Variants in CARF observed in about 807,000 individuals in gnomAD.
CARF encodes calcium-responsive transcription factor.
CARF carries 57 observed loss-of-function variants against 82.0 expected under a neutral mutation model. The observed-to-expected ratio is 0.70, with a 90% CI of 0.56 to 0.87. The LOEUF is 0.87. Among genes scored for constraint, CARF ranks in the 40% least tolerant of loss-of-function variants. The pLI, the probability that CARF is intolerant of heterozygous loss-of-function variation, is 0.00. For missense variants in CARF, 771 were observed against 855.8 expected (o/e 0.90, Z 1.24); for synonymous variants, 268 against 290.1 (o/e 0.92, Z 0.77).
rs1467949813 is a variant in CARF at position 202,923,308 on chromosome 2, G to A, written c.-162-989G>A. ...AAAATTAATGTACACAATTAATTTT[G>A]TGCGGTAGCTCTCCTGTACACCAAC... is the stretch of plus-strand genomic sequence containing the variant. On this transcript the variant is annotated intron_variant, in intron 2 of 16. Coordinates refer to ENST00000438828, the MANE Select transcript of CARF (RefSeq NM_024744.17). Among the ~76,000 whole-genome samples the A allele has an allele frequency of 2.6e-5, 4 of 152,256 alleles. No individual in the cohort carries two copies. The East Asian group carries it at 7.7e-4, about 29-fold the overall frequency.
chr2:202,945,320 T>C (rs1194846571), intron 5 of CARF, among the ~76,000 whole-genome samples: 1 of 152,322 alleles, frequency 6.6e-6, no homozygotes, highest in South Asian at 2.1e-4. Context: ...GTTTTTGTTT[T>C]ATTTACTTTT....
At chr2:202,970,919 T>G (rs2059765651) in intron 11 of CARF, among the ~76,000 whole-genome samples, 1 of 152,004 alleles carries the variant, frequency 6.6e-6, no homozygotes, top group African/African-American at 2.4e-5. Flanking sequence ...TTAATTCTCT[T>G]GCTCACTTGG....
In CARF at chr2:202,986,905, T is replaced by TATATATACATATATATATAC. The variant is rs1559299503; in HGVS notation, c.*3284_*3285insTATACATATATATATACATA. On this transcript the variant is annotated 3_prime_UTR_variant, in exon 17 of 17. Transcript: ENST00000438828. ...ATATATATATATATATATATATATA[T>TATATATACATATATATATAC]ATAGCAACTTGATGTATAGTGTCCT... The TATATATACATATATATATAC allele has an allele frequency of 7.8e-6, 1 of 127,800 alleles. No individual in the cohort carries two copies. Among genetic ancestry groups the TATATATACATATATATATAC allele is most frequent in the African/African-American group, 2.8e-5 (1 of 36,020 alleles). 7.9% of individuals were successfully genotyped at this position (127,800 alleles called of 1,614,324 possible).
intron 2 of CARF, among the ~76,000 whole-genome samples, chr2:202,920,079 A>G (rs1440129031): frequency 1.3e-5 from 2 of 152,182 alleles, no homozygotes; most frequent in African/African-American, 4.8e-5. Context: ...GATTGTTGAT[A>G]ATTCTAGCTA....
rs2060399209 is a variant in CARF, at chr2:202,985,350, ATAG to A, written c.*1730_*1732del. 1 of 152,106 alleles carries A rather than the reference ATAG, an allele frequency of 6.6e-6. No homozygotes were observed. The highest frequency in any genetic ancestry group is 1.5e-5 in the Non-Finnish European group (1 of 67,996). The allele number at this position is 152,106 out of a possible 1,614,324, so 9.4% of individuals were successfully genotyped here. ...ATGTATCTAAATATAAAGTACTGTT[ATAG>A]TAGAGGTAGGTGGAATTCTAATATT... On this transcript the variant is annotated 3_prime_UTR_variant, in exon 17 of 17. Transcript: ENST00000438828.
In CARF at chr2:202,952,670, A is replaced by T. The variant is rs781246075; in HGVS notation, c.418A>T (p.Ser140Cys). 4.3e-6 allele frequency: 7 copies of T among 1,613,684 alleles called. No homozygotes were observed. Among genetic ancestry groups the T allele is most frequent in the Non-Finnish European group, 5.1e-6 (6 of 1,179,764 alleles). The stretch of plus-strand genomic sequence containing the variant: ...TCAGGGGCAACTTGTGGATGTGAAT[A>T]GTCCTCGGGGTGAGTAACAACGGGA... ...IPQGQLVDVN[S>C]PRDVPEEKPS... The change falls in exon 6 of 17, where the codon AGT becomes TGT. Residue 140 changes from serine to cysteine, a missense_variant. By Grantham distance (112) the Ser-to-Cys change is moderately radical (BLOSUM62 -1). Transcript: ENST00000438828.
intron 5 of CARF, among the ~76,000 whole-genome samples, chr2:202,948,020 T>C (rs936386561): frequency 1.3e-5 from 2 of 152,124 alleles, no homozygotes; most frequent in Non-Finnish European, 1.5e-5. Flanking sequence ...ATCTTGAGTT[T>C]ATTTTTGTAT....
At chr2:202,936,858 T>G (rs1018895446) in intron 3 of CARF, among the ~76,000 whole-genome samples, 2 of 152,240 alleles carry the variant, frequency 1.3e-5, no homozygotes, top group Non-Finnish European at 2.9e-5. Flanking sequence ...GTGCCATATC[T>G]AAGAAACCAT....
chr2:202,974,564 AG>A (rs1433968714), intron 13 of CARF, 68 bp downstream of exon 13: 80 of 1,428,872 alleles, frequency 5.6e-5, no homozygotes, highest in Non-Finnish European at 7.2e-5. Context: ...TAGTCTAATA[AG>A]AATGGCTAGT....
intron 3 of CARF, among the ~76,000 whole-genome samples, chr2:202,940,811 G>T (rs1177287968): frequency 1.3e-5 from 2 of 151,976 alleles, no homozygotes; most frequent in Non-Finnish European, 2.9e-5. Flanking sequence ...TGATCTTTTG[G>T]AGTTGGGGGG....
In CARF at chr2:202,985,846, A is replaced by G. The variant is rs1448167907; in HGVS notation, c.*2222A>G. The G allele has an allele frequency of 5.9e-5, 9 of 152,138 alleles. No individual in the cohort carries two copies. Among genetic ancestry groups the G allele is most frequent in the Non-Finnish European group, 1.5e-5 (1 of 67,996 alleles). The allele number at this position is 152,138 out of a possible 1,614,324, so 9.4% of individuals were successfully genotyped here. A position where few individuals can be genotyped will look rare whatever the true frequency, so the allele number is the denominator to read the frequency against. ...CCTTTCTTTTTTGATGTTGATTTGC[A>G]AAGGAGAAATGCTTGTTAATATACA... On this transcript the variant is annotated 3_prime_UTR_variant, in exon 17 of 17. Transcript: ENST00000438828.
intron 5 of CARF, among the ~76,000 whole-genome samples, chr2:202,943,978 CT>C (rs1227235733): frequency 2.0e-5 from 3 of 152,140 alleles, no homozygotes; most frequent in Non-Finnish European, 4.4e-5. Context: ...CAACATCTCA[CT>C]GACCTGCAAG....
chr2:202,925,012 CT>C, intron 3 of CARF: 1 of 400,914 alleles, frequency 2.5e-6, no homozygotes, highest in South Asian at 2.1e-5. Flanking sequence ...CAAGTGGATC[CT>C]TTTGCAGCAG....
At chr2:202,942,366 T>C (rs1200080619) in intron 4 of CARF, among the ~76,000 whole-genome samples, 2 of 149,788 alleles carry the variant, frequency 1.3e-5, no homozygotes, top group Non-Finnish European at 3.0e-5. Context: ...AGAGAGAGAC[T>C]CCGTCTCAAA....
chr2:202,934,909 C>A (rs1227332778), intron 3 of CARF, among the ~76,000 whole-genome samples: 2 of 151,644 alleles, frequency 1.3e-5, no homozygotes, highest in South Asian at 2.1e-4. Flanking sequence ...AACCCCATCT[C>A]TACCAAACAG....
chr2:202,982,694 A>G (rs72932560), intron 16 of CARF, among the ~76,000 whole-genome samples: 13,531 of 152,138 alleles, frequency 0.089, 738 homozygotes, highest in Non-Finnish European at 0.12. Flanking sequence ...CCTGTTTTCC[A>G]TGGAAAATCT....
chr2:202,971,763 T>A, intron 12 of CARF, 25 bp downstream of exon 12: 1 of 1,567,246 alleles, frequency 6.4e-7, no homozygotes, highest in Non-Finnish European at 8.8e-7. Context: ...CATTGTTCTT[T>A]TACATTTTTC....
At chr2:202,959,730 A>T (rs1463959249) in intron 8 of CARF, among the ~76,000 whole-genome samples, 2 of 151,710 alleles carry the variant, frequency 1.3e-5, no homozygotes, top group African/African-American at 4.8e-5. Flanking sequence ...AATCATCTGA[A>T]CCCGGGAGAT....
chr2:202,912,507 ACCT>A lies in CARF; in HGVS notation c.-921_-919del, dbSNP rs1688788261. On this transcript the variant is annotated 5_prime_UTR_variant, in exon 1 of 17. Transcript: ENST00000438828. The stretch of plus-strand genomic sequence containing the variant: ...CCTCCTGCCTCCTCCTCCTCCCGTC[ACCT>A]CCTGACCCGCCGGAGCTCCGAGCAA... The A allele has an allele frequency of 2.1e-5, 3 of 146,210 alleles. No individual in the cohort carries two copies. The highest frequency in any genetic ancestry group is 7.1e-3 in the Middle Eastern group (2 of 282). 9.1% of individuals were successfully genotyped at this position (146,210 alleles called of 1,614,324 possible).
Sources: allele counts gnomAD v4.1 joint callset (sites outside exome capture counted in the v4.1 genomes callset), GRCh38; gene constraint gnomAD v4.1.1; transcripts MANE v1.5; gene names NCBI Gene and HGNC (gene_info 2026-07-23, HGNC 2026-07-21).